Variants in CUX1 observed in about 807,000 individuals in gnomAD.
CUX1 encodes the protein cut like homeobox 1.
A neutral mutation model predicts 158.8 loss-of-function variants in CUX1; 31 were observed. The observed-to-expected ratio is 0.20, with a 90% confidence interval of 0.15 to 0.26. The LOEUF (loss-of-function observed/expected upper bound fraction) is 0.26. Ranked by LOEUF, CUX1 falls within the 10% of genes least tolerant of loss-of-function variation. The pLI, the probability that CUX1 is intolerant of heterozygous loss-of-function variation, is 1.00. For synonymous variants in CUX1, 879 were observed against 862.1 expected (o/e 1.02, Z -0.34); for missense variants, 1,589 against 2,014.6 (o/e 0.79, Z 4.04).
At chr7:102,087,729 C>CTA (rs1242669057) in intron 4 of CUX1, among the ~76,000 whole-genome samples, 2 of 152,142 alleles carry the variant, frequency 1.3e-5, no homozygotes, top group African/African-American at 4.8e-5. Context: ...TTACTTCTAC[C>CTA]TATACTACAA....
At chr7:102,165,350 C>CTTTTTT (rs533978049) in intron 9 of CUX1, among the ~76,000 whole-genome samples, 3 of 105,352 alleles carry the variant, frequency 2.8e-5, no homozygotes, top group Admixed American at 1.0e-4. Flanking sequence ...TAGGGGAAAG[C>CTTTTTT]TTTTTTTTTT....
chr7:102,001,636 G>A (rs1563114361), intron 2 of CUX1, among the ~76,000 whole-genome samples: 3 of 152,150 alleles, frequency 2.0e-5, no homozygotes, highest in East Asian at 1.9e-4. Context: ...GAGCCACCGC[G>A]CCCGGCCCCG....
In CUX1 at chr7:102,060,608, AACACACACACAC is replaced by A. The variant is rs58786987; in HGVS notation, c.190-9706_190-9695del. ...ATATATATATACACACACACAAATA[AACACACACACAC>A]ACACACACACACACACACACACACT... On this transcript the variant is annotated intron_variant, in intron 3 of 23. Transcript: ENST00000292535. 2.7e-4 allele frequency among the ~76,000 whole-genome samples: 36 copies of A among 133,304 alleles called. 1 individual carries two copies. The highest frequency in any genetic ancestry group is 9.3e-4 in the African/African-American group (34 of 36,682). The allele number at this position is 133,304 out of a possible 152,430, so 87.5% of individuals were successfully genotyped here.
At chr7:102,217,595 G>GA (rs1797366420) in intron 20 of CUX1, among the ~76,000 whole-genome samples, 1 of 152,228 alleles carries the variant, frequency 6.6e-6, no homozygotes, top group Non-Finnish European at 1.5e-5. Flanking sequence ...TGTCTAGAGG[G>GA]AGGGAGGCTC....
intron 4 of CUX1, among the ~76,000 whole-genome samples, chr7:102,091,860 A>T (rs903216843): frequency 6.6e-6 from 1 of 152,030 alleles, no homozygotes; most frequent in African/African-American, 2.4e-5. Context: ...GGCTCAAGCA[A>T]TTCTCCTGCC....
At chr7:101,881,344 A>C (rs914775235) in intron 1 of CUX1, among the ~76,000 whole-genome samples, 2 of 152,212 alleles carry the variant, frequency 1.3e-5, no homozygotes, top group African/African-American at 2.4e-5. Flanking sequence ...TGAGTCTGAC[A>C]CCGTGTTCCC....
chr7:101,898,006 C>T (rs370262349), intron 1 of CUX1, among the ~76,000 whole-genome samples: 53 of 152,334 alleles, frequency 3.5e-4, no homozygotes, highest in African/African-American at 1.0e-3. Flanking sequence ...GTAGCACCCC[C>T]GGTACCCCGG....
At chr7:101,888,331 C>CA (rs915864487) in intron 1 of CUX1, among the ~76,000 whole-genome samples, 7 of 147,702 alleles carry the variant, frequency 4.7e-5, no homozygotes, top group South Asian at 2.1e-4. Flanking sequence ...GCTCCGTCTC[C>CA]AAAAAAAAAG....
chr7:101,966,659 TAGAA>T (rs1296474044), intron 2 of CUX1, among the ~76,000 whole-genome samples: 2 of 151,970 alleles, frequency 1.3e-5, no homozygotes, highest in African/African-American at 4.8e-5. Flanking sequence ...GAGGGAAGGA[TAGAA>T]AGAGCATGGC....
At position 102,233,907 on chromosome 7, in the gene CUX1, A is replaced by G. The variant is rs535573107; in HGVS notation, c.3434-145A>G. 5.7e-5 allele frequency: 28 copies of G among 487,360 alleles called. No homozygotes were observed. In the East Asian group the frequency reaches 9.2e-4, roughly 16 times the overall value. The allele number at this position is 487,360 out of a possible 1,614,324, so 30.2% of individuals were successfully genotyped here. ...GTCTGGTTGAAGATATATTTCTACC[A>G]CATGTTTGCTGTAAGCTAGGATGTC... On this transcript the variant is annotated intron_variant, in intron 21 of 23. Coordinates refer to ENST00000292535, the MANE Select transcript of CUX1 (RefSeq NM_181552.4).
intron 8 of CUX1, among the ~76,000 whole-genome samples, chr7:102,132,047 A>G (rs1554497340): frequency 1.3e-5 from 2 of 152,124 alleles, no homozygotes; most frequent in East Asian, 1.9e-4. Context: ...GTGTATATTT[A>G]TATAATAAGG....
upstream of CUX1, among the ~76,000 whole-genome samples, chr7:101,816,478 C>T (rs1489429568): frequency 7.2e-6 from 1 of 138,976 alleles, no homozygotes; most frequent in Non-Finnish European, 1.6e-5. Context: ...CCCGGCGGCC[C>T]GCGGGGTGCG....
intron 1 of CUX1, among the ~76,000 whole-genome samples, chr7:101,872,639 C>T (rs899991336): frequency 1.4e-4 from 21 of 150,328 alleles, no homozygotes; most frequent in Admixed American, 1.1e-3. Context: ...TGAAATATTA[C>T]GAAAAAATAA....
intron 8 of CUX1, chr7:102,154,491 T>TG (rs1485705994): frequency 6.7e-6 from 1 of 150,024 alleles, no homozygotes; most frequent in Non-Finnish European, 1.5e-5. Flanking sequence ...CATGGTGACA[T>TG]GCGCCTGTAG....
At chr7:101,926,356 G>A (rs534722427) in intron 2 of CUX1, among the ~76,000 whole-genome samples, 1 of 152,242 alleles carries the variant, frequency 6.6e-6, no homozygotes, top group African/African-American at 2.4e-5. Context: ...TGCCTTGAGT[G>A]GGACCAGTAA....
At chr7:101,947,075 G>T (rs917936727) in intron 2 of CUX1, among the ~76,000 whole-genome samples, 20 of 152,194 alleles carry the variant, frequency 1.3e-4, no homozygotes, top group Non-Finnish European at 5.9e-5. Flanking sequence ...TTTGATGACA[G>T]ATTTAAAACT....
intron 2 of CUX1, among the ~76,000 whole-genome samples, chr7:101,943,357 G>A (rs1021411418): frequency 4.0e-5 from 6 of 151,840 alleles, no homozygotes; most frequent in East Asian, 3.9e-4. Flanking sequence ...TCCACCCGCC[G>A]TGGCCTCCCA....
intron 1 of CUX1, among the ~76,000 whole-genome samples, chr7:101,866,200 G>A (rs955836848): frequency 2.6e-5 from 4 of 152,008 alleles, no homozygotes; most frequent in Non-Finnish European, 5.9e-5. Flanking sequence ...GGTGGCTCAC[G>A]CCTGTAATTG....
intron 4 of CUX1, among the ~76,000 whole-genome samples, chr7:102,079,294 C>T (rs1237933134): frequency 1.3e-5 from 2 of 151,932 alleles, no homozygotes; most frequent in African/African-American, 4.8e-5. Context: ...AAAAATTGGC[C>T]GAGCATGGTG....
Sources: gnomAD v4.1 joint callset for allele counts (sites outside exome capture counted in the v4.1 genomes callset) on GRCh38, gnomAD v4.1.1 for gene constraint, MANE v1.5 for transcripts, NCBI Gene and HGNC (gene_info 2026-07-23, HGNC 2026-07-21) for gene names.